The following ATXN7 variants were observed in gnomAD, a reference collection of about 807,000 sequenced individuals.
ATXN7 encodes the protein ataxin-7.
In ATXN7, 12 loss-of-function variants were observed where a neutral mutation model predicts 70.5. The ratio of observed to expected loss-of-function variants is 0.17; its 90% CI spans 0.11 to 0.28. The LOEUF (loss-of-function observed/expected upper bound fraction) is 0.28, where lower values mean the gene tolerates loss of function less well. ATXN7 is among the 10% of genes least tolerant of loss of function. The probability of loss-of-function intolerance (pLI) is 1.00; values close to 1 mark genes in which losing one functional copy is unlikely to be tolerated. For missense variants in ATXN7, 1,256 were observed against 1,131.7 expected (o/e 1.11, Z -1.58); for synonymous variants, 498 against 448.7 (o/e 1.11, Z -1.39).
At chr3:63,998,768 C>G in intron 12 of ATXN7, 1 of 861,570 alleles carries the variant, frequency 1.2e-6, no homozygotes, top group East Asian at 1.2e-4. Context: ...GACTCGTGAC[C>G]CCAAAATGCT....
At chr3:63,916,844 C>A (rs1425107151) in intron 4 of ATXN7, among the ~76,000 whole-genome samples, 2 of 152,096 alleles carry the variant, frequency 1.3e-5, no homozygotes, top group African/African-American at 2.4e-5. Context: ...CTGTAATTTG[C>A]AATATTAGTT....
chr3:63,929,624 A>G (rs1380016185), intron 4 of ATXN7, among the ~76,000 whole-genome samples: 1 of 152,150 alleles, frequency 6.6e-6, no homozygotes, highest in Non-Finnish European at 1.5e-5. Context: ...CCATTAAGCA[A>G]GGCTCTGGTT....
At chr3:63,966,921 T>G (rs1424594544) in intron 5 of ATXN7, among the ~76,000 whole-genome samples, 1 of 152,232 alleles carries the variant, frequency 6.6e-6, no homozygotes, top group African/African-American at 2.4e-5. Flanking sequence ...CTCAGATCAC[T>G]TGGCAGTTTT....
intron 12 of ATXN7, chr3:63,998,865 T>C: frequency 4.3e-6 from 1 of 234,350 alleles, no homozygotes; most frequent in Non-Finnish European, 7.0e-6. Flanking sequence ...ACTGGGCTAG[T>C]TGAAGTTTTC....
rs532086580 is a variant in ATXN7 at position 63,883,358 on chromosome 3, G to T, written c.-110-15041G>T. Among the ~76,000 whole-genome samples the T allele has an allele frequency of 2.6e-5, 4 of 152,254 alleles. No individual in the cohort carries two copies. In the South Asian group the frequency reaches 8.3e-4, roughly 32 times the overall value. On this transcript the variant is annotated intron_variant, in intron 1 of 12. Coordinates refer to ENST00000674280, the MANE Select transcript of ATXN7 (RefSeq NM_001377405.1). ...TTAGCATAGTCCATTTGTTAATATT[G>T]CAGGTTAATGGTTGGTTGAAGGCTG...
intron 2 of ATXN7, among the ~76,000 whole-genome samples, chr3:63,909,972 A>G (rs562112686): frequency 2.7e-4 from 41 of 152,354 alleles, no homozygotes; most frequent in Non-Finnish European, 5.0e-4. Flanking sequence ...GAGGTACTCA[A>G]TAATTGGTAA....
At chr3:63,881,241 C>A (rs941165165) in intron 1 of ATXN7, among the ~76,000 whole-genome samples, 1 of 100,046 alleles carries the variant, frequency 1.0e-5, no homozygotes, top group Non-Finnish European at 2.4e-5. Flanking sequence ...CTTAGCCATG[C>A]CTTTTTGTGA....
chr3:63,945,620 A>G (rs2074846883), intron 4 of ATXN7, among the ~76,000 whole-genome samples: 1 of 152,238 alleles, frequency 6.6e-6, no homozygotes, highest in African/African-American at 2.4e-5. Flanking sequence ...TTTAGCACAT[A>G]TTCATTGCTG....
chr3:63,972,261 G>A (rs2075323241), intron 5 of ATXN7, among the ~76,000 whole-genome samples: 1 of 152,204 alleles, frequency 6.6e-6, no homozygotes, highest in African/African-American at 2.4e-5. Context: ...CAAAGACTGT[G>A]TGCATGTTTA....
intron 4 of ATXN7, among the ~76,000 whole-genome samples, chr3:63,946,138 G>C (rs1018373371): frequency 9.2e-5 from 14 of 152,208 alleles, no homozygotes; most frequent in African/African-American, 3.1e-4. Flanking sequence ...AGAGTCTGCT[G>C]TCCAGACAGG....
Position 63,999,906 on chromosome 3 carries a change from G to T in ATXN7, c.*439G>T. On this transcript the variant is annotated 3_prime_UTR_variant, in exon 13 of 13. Transcript: ENST00000674280. ...TTTTTTTTTAACACTGTCATCTGTA[G>T]GTCACTCTCCAGCAGTTAGGCACCT... The T allele has an allele frequency of 4.4e-6, 1 of 228,618 alleles. No individual in the cohort carries two copies. Among genetic ancestry groups the T allele is most frequent in the South Asian group, 6.7e-5 (1 of 14,850 alleles). 14.2% of individuals were successfully genotyped at this position (228,618 alleles called of 1,614,324 possible). A position where few individuals can be genotyped will look rare whatever the true frequency, so the allele number is the denominator to read the frequency against.
At chr3:63,868,830 C>T (rs919226361) in intron 1 of ATXN7, among the ~76,000 whole-genome samples, 4 of 152,262 alleles carry the variant, frequency 2.6e-5, no homozygotes, top group South Asian at 2.1e-4. Flanking sequence ...GCACTCCTTT[C>T]GTTTTGAGAC....
chr3:63,887,220 A>C (rs1703116114), intron 1 of ATXN7, among the ~76,000 whole-genome samples: 2 of 152,222 alleles, frequency 1.3e-5, no homozygotes, highest in Admixed American at 1.3e-4. Flanking sequence ...CCAGAATGTT[A>C]TATTTCAACC....
chr3:63,985,526 G>C (rs904756753), intron 8 of ATXN7, among the ~76,000 whole-genome samples: 1 of 152,150 alleles, frequency 6.6e-6, no homozygotes, highest in Non-Finnish European at 1.5e-5. Context: ...TATTAAGCTT[G>C]GTAGGGCTAA....
chr3:63,920,204 C>T (rs1704453845), intron 4 of ATXN7, among the ~76,000 whole-genome samples: 1 of 152,152 alleles, frequency 6.6e-6, no homozygotes, highest in South Asian at 2.1e-4. Context: ...AGACCATGCA[C>T]ATGTTTCCAT....
At chr3:63,863,689 G>A, upstream of ATXN7, 2 of 1,239,684 alleles carry the variant, frequency 1.6e-6, no homozygotes, top group African/African-American at 3.1e-5. Flanking sequence ...GGGGTTCCCG[G>A]AAGCGGGCCG....
rs1048328600 is a variant in ATXN7 at position 63,999,839 on chromosome 3, A to G, written c.*372A>G. 2.5e-6 allele frequency: 1 copy of G among 397,484 alleles called. No homozygotes were observed. Among genetic ancestry groups the G allele is most frequent in the African/African-American group, 2.0e-5 (1 of 49,460 alleles). 24.6% of individuals were successfully genotyped at this position (397,484 alleles called of 1,614,324 possible). A position where few individuals can be genotyped will look rare whatever the true frequency, so the allele number is the denominator to read the frequency against. On this transcript the variant is annotated 3_prime_UTR_variant, in exon 13 of 13. Transcript: ENST00000674280. ...CTGGGCAAAAGAATGTTTTGGCAAGAGCGTTACTGTAGACCTTTCTCCCTC... is the reference window on the plus strand; with the variant it reads ...CTGGGCAAAAGAATGTTTTGGCAAGGGCGTTACTGTAGACCTTTCTCCCTC...
chr3:63,912,681 C>T lies in ATXN7; in HGVS notation c.83C>T (p.Ala28Val). The change falls in exon 3 of 13, where the codon GCC (alanine) becomes GTC (valine). Residue 28 changes from alanine to valine, a missense_variant. Coordinates refer to ENST00000674280, the MANE Select transcript of ATXN7 (RefSeq NM_001377405.1). The stretch of plus-strand genomic sequence containing the variant: ...GCGGGCGGAGCAGCGGCCGCGGCCG[C>T]CCGGCAGCAGCAGCAGCAGCAGCAG... Reference protein sequence around the residue: ...AAAGGAAAAAARQQQQQQQQQ... With the variant: ...AAAGGAAAAAVRQQQQQQQQQ... 1.0e-6 allele frequency: 1 copy of T among 995,700 alleles called. No individual in the cohort carries two copies. The highest frequency in any genetic ancestry group is 1.2e-6 in the Non-Finnish European group (1 of 820,564). 61.7% of individuals were successfully genotyped at this position (995,700 alleles called of 1,614,324 possible). A position where few individuals can be genotyped will look rare whatever the true frequency, so the allele number is the denominator to read the frequency against.
chr3:63,912,498 C>A, intron 2 of ATXN7, 90 bp from the exon 3 acceptor site: 1 of 880,764 alleles, frequency 1.1e-6, no homozygotes, highest in Non-Finnish European at 1.4e-6. Context: ...ACCCGGTCCG[C>A]GGGCCGCGCA....
Sources: gnomAD v4.1 joint callset for allele counts (sites outside exome capture counted in the v4.1 genomes callset) on GRCh38, gnomAD v4.1.1 for gene constraint, MANE v1.5 for transcripts, NCBI Gene and HGNC (gene_info 2026-07-23, HGNC 2026-07-21) for gene names.